Variants in CHL1 observed in about 807,000 individuals in gnomAD.
The protein encoded by CHL1 is cell adhesion molecule L1 like.
In CHL1, 96 loss-of-function variants were observed where a neutral mutation model predicts 141.9. The observed-to-expected ratio is 0.68, with a 90% CI of 0.57 to 0.80. The LOEUF (loss-of-function observed/expected upper bound fraction) is 0.80. CHL1 is among the 30% of genes least tolerant of loss of function. The pLI, the probability that CHL1 is intolerant of heterozygous loss-of-function variation, is 0.00. For missense variants in CHL1, 1,820 were observed against 1,457.2 expected (o/e 1.25, Z -4.05); for synonymous variants, 613 against 502.2 (o/e 1.22, Z -2.95).
intron 1 of CHL1, among the ~76,000 whole-genome samples, chr3:234,799 G>C (rs1479199007): frequency 6.6e-6 from 1 of 152,110 alleles, no homozygotes; most frequent in Non-Finnish European, 1.5e-5. Flanking sequence ...TGAGTGCAGT[G>C]CCAGACACAG....
At chr3:373,601 A>G (rs1705924248) in intron 15 of CHL1, 1 of 152,302 alleles carries the variant, frequency 6.6e-6, no homozygotes, top group Non-Finnish European at 1.5e-5. Context: ...AAGGAGCTCA[A>G]ATGGCTTAGG....
At chr3:217,201 G>A (rs996676426) in intron 1 of CHL1, among the ~76,000 whole-genome samples, 9 of 152,214 alleles carry the variant, frequency 5.9e-5, no homozygotes, top group Admixed American at 2.6e-4. Context: ...TACCCATGGG[G>A]TTGCAGCTGT....
At chr3:390,077 T>C (rs972717276) in intron 20 of CHL1, among the ~76,000 whole-genome samples, 1 of 152,134 alleles carries the variant, frequency 6.6e-6, no homozygotes, top group Non-Finnish European at 1.5e-5. Context: ...AATAATTTGA[T>C]CCAAAAATAG....
intron 2 of CHL1, among the ~76,000 whole-genome samples, chr3:293,147 C>T (rs1257748465): frequency 6.6e-6 from 1 of 152,076 alleles, no homozygotes; most frequent in Non-Finnish European, 1.5e-5. Flanking sequence ...CAAGTCTTTC[C>T]TTTAAATAAT....
At position 399,112 on chromosome 3, in the gene CHL1, T is replaced by G. The variant is rs1255497528; in HGVS notation, c.3349T>G (p.Cys1117Gly). 6.2e-7 allele frequency: 1 copy of G among 1,610,552 alleles called. No homozygotes were observed. The highest frequency in any genetic ancestry group is 8.5e-7 in the Non-Finnish European group (1 of 1,176,740). The change falls in exon 26 of 28, where the codon TGC (cysteine) becomes GGC (glycine). Residue 1117 changes from cysteine (C) to glycine (G), a missense_variant. Physicochemically the swap from Cys to Gly is radical, Grantham distance 159. Transcript: ENST00000256509. Reference protein sequence around the residue: ...ALLTLLLLTVCFVKRNRGGKY... With the variant: ...ALLTLLLLTVGFVKRNRGGKY... ...TCTCACACTACTATTATTAACTGTT[T>G]GCTTTGTGAAGAGGAATAGAGGTGG...
At chr3:208,782 T>G (rs1184479722) in intron 1 of CHL1, among the ~76,000 whole-genome samples, 1 of 152,152 alleles carries the variant, frequency 6.6e-6, no homozygotes, top group Non-Finnish European at 1.5e-5. Flanking sequence ...TGTCCAAAAG[T>G]ATTAAAAAAT....
rs940624806 is a variant in CHL1 at position 322,680 on chromosome 3, A to G, written c.91+2813A>G. ...TATATATATATATATAATTATATATATATATATAAAACGAATAGCTGGGTG... is the reference window on the plus strand; with the variant it reads ...TATATATATATATATAATTATATATGTATATATAAAACGAATAGCTGGGTG... On this transcript the variant is annotated intron_variant, in intron 3 of 27. Coordinates refer to ENST00000256509, the MANE Select transcript of CHL1 (RefSeq NM_006614.4). 1.3e-4 allele frequency among the ~76,000 whole-genome samples: 19 copies of G among 143,594 alleles called. No individual in the cohort carries two copies. The East Asian group carries it at 3.8e-3, about 29-fold the overall frequency. 94.2% of individuals were successfully genotyped at this position (143,594 alleles called of 152,430 possible).
At chr3:331,014 A>G (rs1293903351) in intron 5 of CHL1, among the ~76,000 whole-genome samples, 1 of 152,186 alleles carries the variant, frequency 6.6e-6, no homozygotes, top group Admixed American at 6.5e-5. Context: ...GGAACAATTG[A>G]TAATTCACAC....
chr3:295,026 G>T (rs867381419), intron 2 of CHL1, among the ~76,000 whole-genome samples: 9 of 151,960 alleles, frequency 5.9e-5, no homozygotes, highest in African/African-American at 1.9e-4. Context: ...TTGTTTTCTT[G>T]CCCTCCCTTT....
intron 1 of CHL1, among the ~76,000 whole-genome samples, chr3:224,925 C>T (rs374095553): frequency 4.0e-5 from 6 of 151,172 alleles, no homozygotes; most frequent in East Asian, 3.9e-4. Context: ...CACCTAAGGT[C>T]GAGAGTTCAA....
At chr3:313,401 C>A (rs111296718) in intron 2 of CHL1, among the ~76,000 whole-genome samples, 1 of 152,076 alleles carries the variant, frequency 6.6e-6, no homozygotes, top group Non-Finnish European at 1.5e-5. Flanking sequence ...CTATTTCCCT[C>A]TAGGATAAAG....
chr3:348,440 T>A (rs1168290831), intron 9 of CHL1, among the ~76,000 whole-genome samples: 3 of 152,224 alleles, frequency 2.0e-5, no homozygotes, highest in Non-Finnish European at 4.4e-5. Flanking sequence ...AAAGAGACAG[T>A]CATCCTTCAT....
At chr3:298,760 G>T (rs1014831314) in intron 2 of CHL1, among the ~76,000 whole-genome samples, 23 of 152,126 alleles carry the variant, frequency 1.5e-4, no homozygotes, top group African/African-American at 5.6e-4. Context: ...CCTATTATTT[G>T]ACCATATTCC....
At chr3:249,850 C>T (rs191195592) in intron 2 of CHL1, among the ~76,000 whole-genome samples, 5 of 152,170 alleles carry the variant, frequency 3.3e-5, no homozygotes, top group Admixed American at 2.0e-4. Flanking sequence ...ATAGCCAGCT[C>T]CCTAACTCTG....
intron 1 of CHL1, among the ~76,000 whole-genome samples, chr3:223,580 T>C (rs545731805): frequency 3.7e-4 from 57 of 152,352 alleles, no homozygotes; most frequent in Admixed American, 1.6e-3. Context: ...ATTAGATCCA[T>C]GTGAACTATC....
intron 5 of CHL1, among the ~76,000 whole-genome samples, chr3:332,276 G>C (rs539545717): frequency 5.3e-5 from 8 of 152,252 alleles, no homozygotes; most frequent in African/African-American, 1.7e-4. Flanking sequence ...GTAAATCTTG[G>C]AGAAAGTTTG....
intron 1 of CHL1, among the ~76,000 whole-genome samples, chr3:212,293 T>C (rs746004256): frequency 2.2e-4 from 34 of 152,286 alleles, no homozygotes; most frequent in Admixed American, 1.2e-3. Context: ...ATTTTTATTA[T>C]GATCAGGCAA....
At chr3:270,134 G>A (rs374649574) in intron 2 of CHL1, among the ~76,000 whole-genome samples, 2 of 152,258 alleles carry the variant, frequency 1.3e-5, no homozygotes, top group East Asian at 3.9e-4. Context: ...ATGGGGGGAA[G>A]GGGGAAATAT....
intron 1 of CHL1, among the ~76,000 whole-genome samples, chr3:222,477 C>G (rs138179587): frequency 6.6e-6 from 1 of 152,182 alleles, no homozygotes; most frequent in Admixed American, 6.5e-5. Flanking sequence ...CAATCAAACC[C>G]AAACACTTAT....
Sources: allele counts gnomAD v4.1 joint callset (sites outside exome capture counted in the v4.1 genomes callset), GRCh38; gene constraint gnomAD v4.1.1; transcripts MANE v1.5; gene names NCBI Gene and HGNC (gene_info 2026-07-23, HGNC 2026-07-21).